Variants in DYNC1I2 observed in about 807,000 individuals in gnomAD.
The protein encoded by DYNC1I2 is dynein cytoplasmic 1 intermediate chain 2, also known as cytoplasmic dynein 1 intermediate chain 2.
In DYNC1I2, 53 loss-of-function variants were observed where a neutral mutation model predicts 88.6. The ratio of observed to expected loss-of-function variants is 0.60; its 90% CI spans 0.48 to 0.75. DYNC1I2 has a LOEUF of 0.75. DYNC1I2 is among the 30% of genes least tolerant of loss of function. The probability of loss-of-function intolerance (pLI) is 0.00; values close to 1 mark genes in which losing one functional copy is unlikely to be tolerated. For synonymous variants in DYNC1I2, 198 were observed against 254.6 expected, an observed-to-expected ratio of 0.78 and a Z score of 2.12; for missense variants, 458 against 766.6, an observed-to-expected ratio of 0.60 and a Z score of 4.75.
intron 14 of DYNC1I2, among the ~76,000 whole-genome samples, 200 bp from the exon 15 acceptor site, chr2:171,729,509 A>T (rs943499392): frequency 6.6e-5 from 10 of 152,208 alleles, no homozygotes; most frequent in African/African-American, 2.4e-4. Flanking sequence ...TTACAGTTCC[A>T]AAGGTACTTA....
Position 171,726,306 on chromosome 2 carries a change from A to G in DYNC1I2, c.870+13A>G, listed in dbSNP as rs776906142. The G allele has an allele frequency of 4.5e-6, 7 of 1,567,486 alleles. No individual in the cohort carries two copies. The highest frequency in any genetic ancestry group is 6.1e-6 in the Non-Finnish European group (7 of 1,148,282). ...TTGGTCATCTCAGGTAAAATATAAC[A>G]AAATAGGCCGCTCTTAACTCATTTT... On this transcript the variant is annotated intron_variant, in intron 10 of 17. Coordinates refer to ENST00000397119, the MANE Select transcript of DYNC1I2 (RefSeq NM_001378.3).
At chr2:171,698,068 AG>A (rs1397589188) in intron 3 of DYNC1I2, among the ~76,000 whole-genome samples, 1 of 152,210 alleles carries the variant, frequency 6.6e-6, no homozygotes, top group Non-Finnish European at 1.5e-5. Context: ...TGTGACTAAT[AG>A]GTAATATCTG....
chr2:171,718,169 G>A (rs1469102384), intron 7 of DYNC1I2, among the ~76,000 whole-genome samples: 2 of 152,058 alleles, frequency 1.3e-5, no homozygotes, highest in African/African-American at 4.8e-5. Context: ...TGTTGGCCAC[G>A]CTGGTCTCAA....
chr2:171,726,253 C>G lies in DYNC1I2; in HGVS notation c.830C>G (p.Ser277Ter). The G allele has an allele frequency of 1.2e-6, 2 of 1,612,210 alleles. No individual in the cohort carries two copies. Among genetic ancestry groups the G allele is most frequent in the Non-Finnish European group, 1.7e-6 (2 of 1,179,356 alleles). The change falls in exon 10 of 18, where the codon TCA becomes TGA. Residue 277 changes from serine to a stop codon, truncating the protein, a stop_gained. Transcript: ENST00000397119. LOFTEE classifies it high-confidence loss of function. ...LNRQFFDERWSKHRVVSCLDW... is the reference protein window; with the variant it reads ...LNRQFFDERW ...CGACAATTTTTTGACGAACGTTGGT[C>G]AAAGCATCGGGTGGTTAGTTGTTTG... is the stretch of plus-strand genomic sequence containing the variant.
At chr2:171,706,370 T>A (rs2105536784) in intron 3 of DYNC1I2, among the ~76,000 whole-genome samples, 177 bp from the exon 4 acceptor site, 1 of 152,286 alleles carries the variant, frequency 6.6e-6, no homozygotes, top group Non-Finnish European at 1.5e-5. Flanking sequence ...TCAAAAAGTT[T>A]TACAAATGTC....
chr2:171,726,126 T>G (rs1423585480), intron 9 of DYNC1I2, 45 bp downstream of exon 9: 2 of 1,559,202 alleles, frequency 1.3e-6, no homozygotes, highest in Admixed American at 4.1e-5. Flanking sequence ...AATGTTAAAT[T>G]ACTTTAAGAT....
At chr2:171,744,910 G>C (rs1386135283) in intron 16 of DYNC1I2, among the ~76,000 whole-genome samples, 1 of 152,072 alleles carries the variant, frequency 6.6e-6, no homozygotes, top group Non-Finnish European at 1.5e-5. Context: ...AGTCAACTCA[G>C]ATCTCCCACA....
At chr2:171,707,187 CTTTT>C in intron 4 of DYNC1I2, 96 bp from the exon 5 acceptor site, 2 of 1,550,410 alleles carry the variant, frequency 1.3e-6, no homozygotes, top group Admixed American at 3.9e-5. Flanking sequence ...TTGTTTTTTT[CTTTT>C]TTGTTAATTA....
chr2:171,719,203 G>A (rs1018804787), intron 7 of DYNC1I2, among the ~76,000 whole-genome samples: 6 of 53,096 alleles, frequency 1.1e-4, no homozygotes, highest in Non-Finnish European at 2.7e-4. Flanking sequence ...ATACCATGGA[G>A]CTATCCTTAA....
intron 5 of DYNC1I2, among the ~76,000 whole-genome samples, chr2:171,708,610 T>C (rs893662817): frequency 1.3e-5 from 2 of 152,216 alleles, no homozygotes; most frequent in Admixed American, 1.3e-4. Flanking sequence ...AGACAATTTG[T>C]CTAGTGTAAA....
intron 7 of DYNC1I2, among the ~76,000 whole-genome samples, chr2:171,723,090 CAAG>C (rs939782570): frequency 2.0e-5 from 3 of 152,216 alleles, no homozygotes; most frequent in Middle Eastern, 6.8e-3. Context: ...TGTCTATAAA[CAAG>C]ATCTTTTCTG....
intron 7 of DYNC1I2, among the ~76,000 whole-genome samples, chr2:171,724,908 T>C (rs754464801): frequency 6.6e-6 from 1 of 152,234 alleles, no homozygotes; most frequent in Non-Finnish European, 1.5e-5. Flanking sequence ...TTAGAAGTCT[T>C]GTAAACATTG....
At position 171,717,485 on chromosome 2, in the gene DYNC1I2, T is replaced by C. The variant is rs183454419; in HGVS notation, c.511+2042T>C. On this transcript the variant is annotated intron_variant, in intron 7 of 17. Coordinates refer to ENST00000397119, the MANE Select transcript of DYNC1I2 (RefSeq NM_001378.3). ...CATTTTTTTCATTCCTGCTGTTCCA[T>C]TGGTTGGTAAGATATCTTTTGTAGA... Among the ~76,000 whole-genome samples, 57 of 152,170 alleles carry C rather than the reference T, an allele frequency of 3.7e-4. No homozygotes were observed. The East Asian group carries it at 0.01, about 27-fold the overall frequency.
At chr2:171,728,543 G>C (rs937508112) in intron 13 of DYNC1I2, 125 bp downstream of exon 13, 1 of 795,510 alleles carries the variant, frequency 1.3e-6, no homozygotes, top group East Asian at 2.8e-5. Context: ...AAGCTGAAAC[G>C]TGTTTAATAT....
chr2:171,699,148 A>G (rs1042785562), intron 3 of DYNC1I2, among the ~76,000 whole-genome samples: 2 of 152,156 alleles, frequency 1.3e-5, no homozygotes, highest in African/African-American at 4.8e-5. Context: ...CTCTACTAAA[A>G]ATACAAAAAT....
At chr2:171,708,481 A>C (rs370807374) in intron 5 of DYNC1I2, among the ~76,000 whole-genome samples, 1 of 152,322 alleles carries the variant, frequency 6.6e-6, no homozygotes, top group African/African-American at 2.4e-5. Context: ...CAAAATCACA[A>C]ATCTAAGCTA....
intron 17 of DYNC1I2, among the ~76,000 whole-genome samples, chr2:171,746,264 A>G (rs1689772503): frequency 6.6e-6 from 1 of 152,144 alleles, no homozygotes; most frequent in African/African-American, 2.4e-5. Context: ...TTGAAATAAG[A>G]TTTATTTTTC....
At chr2:171,718,043 A>G (rs1283122049) in intron 7 of DYNC1I2, among the ~76,000 whole-genome samples, 2 of 145,212 alleles carry the variant, frequency 1.4e-5, no homozygotes, top group Non-Finnish European at 3.0e-5. Context: ...TGCAACCTCC[A>G]CCTCCCAGGT....
chr2:171,714,543 A>G (rs1687352831), intron 6 of DYNC1I2, among the ~76,000 whole-genome samples: 1 of 152,302 alleles, frequency 6.6e-6, no homozygotes, highest in South Asian at 2.1e-4. Flanking sequence ...AATAAAACCA[A>G]TAAAAGATCT....
Sources: gnomAD v4.1 joint callset for allele counts (sites outside exome capture counted in the v4.1 genomes callset) on GRCh38, gnomAD v4.1.1 for gene constraint, MANE v1.5 for transcripts, NCBI Gene and HGNC (gene_info 2026-07-23, HGNC 2026-07-21) for gene names.